VWA8: variants seen among roughly 807,000 people sequenced by gnomAD.
The protein encoded by VWA8 is von Willebrand factor A domain containing 8.
VWA8 carries 221 observed loss-of-function variants against 241.5 expected under a neutral mutation model. That is an observed-to-expected ratio of 0.91 (90% CI 0.82 to 1.02). The LOEUF is 1.02. Among genes scored for constraint, VWA8 ranks in the 50% least tolerant of loss-of-function variants. VWA8 has a pLI of 0.00. For synonymous variants in VWA8, 852 were observed against 827.1 expected (o/e 1.03, Z -0.52); for missense variants, 2,322 against 2,328.7 (o/e 1.00, Z 0.06).
At chr13:41,826,605 C>T (rs1431203584) in intron 14 of VWA8, among the ~76,000 whole-genome samples, 3 of 152,060 alleles carry the variant, frequency 2.0e-5, no homozygotes, top group African/African-American at 7.2e-5. Flanking sequence ...AGTGGTGGCT[C>T]ACACCTATAT....
rs1429314815 is a variant in VWA8 at position 41,787,560 on chromosome 13, G to C, written c.2064-17C>G. 6.4e-7 allele frequency: 1 copy of C among 1,557,692 alleles called. No homozygotes were observed. Among genetic ancestry groups the C allele is most frequent in the Admixed American group, 1.7e-5 (1 of 59,666 alleles). On this transcript the variant is annotated splice_polypyrimidine_tract_variant and intron_variant, in intron 17 of 44. Coordinates refer to ENST00000379310, the MANE Select transcript of VWA8 (RefSeq NM_015058.2). ...GGTAAAAACCTGGAGGATGAAGAGG[G>C]AGGAAGGGGGAAATGGCTTAAGTCA...
At chr13:41,626,162 A>G (rs1053285425) in intron 37 of VWA8, among the ~76,000 whole-genome samples, 1 of 151,714 alleles carries the variant, frequency 6.6e-6, no homozygotes, top group Non-Finnish European at 1.5e-5. Flanking sequence ...CAGCACACCA[A>G]CATGGCACAT....
Position 41,961,088 on chromosome 13 carries a change from G to A in VWA8, c.-73C>T, listed in dbSNP as rs528628644. 2 of 1,296,186 alleles carry A rather than the reference G, an allele frequency of 1.5e-6. No homozygotes were observed. The highest frequency in any genetic ancestry group is 3.8e-5 in the South Asian group (2 of 53,068). The allele number at this position is 1,296,186 out of a possible 1,614,324, so 80.3% of individuals were successfully genotyped here. ...CGGCGTCCCGTGCAGGCACCGTGAG[G>A]CAGCGCGGAGAAGGGGACAGGAAGC... On this transcript the variant is annotated 5_prime_UTR_variant, in exon 1 of 45. Transcript: ENST00000379310.
chr13:41,936,832 C>G (rs1339695095), intron 2 of VWA8, among the ~76,000 whole-genome samples: 6 of 152,104 alleles, frequency 3.9e-5, no homozygotes, highest in Admixed American at 2.0e-4. Flanking sequence ...ATAATATATA[C>G]ATATATCAAA....
chr13:41,924,976 G>T (rs1161341165), intron 2 of VWA8, among the ~76,000 whole-genome samples: 1 of 152,088 alleles, frequency 6.6e-6, no homozygotes, highest in Non-Finnish European at 1.5e-5. Flanking sequence ...ATTATAATTA[G>T]TCTGTCAGTC....
chr13:41,729,537 C>T lies in VWA8; in HGVS notation c.2638+5G>A. 1 of 1,606,700 alleles carries T rather than the reference C, an allele frequency of 6.2e-7. No homozygotes were observed. Among genetic ancestry groups the T allele is most frequent in the Non-Finnish European group, 8.5e-7 (1 of 1,177,230 alleles). On this transcript the variant is annotated splice_donor_5th_base_variant and intron_variant, in intron 23 of 44. Coordinates refer to ENST00000379310, the MANE Select transcript of VWA8 (RefSeq NM_015058.2). ...AAAGGAAACATTGCTTTCTAAAATA[C>T]TCACTTGCAACAATGCGTCTTCCAT...
At chr13:41,585,388 C>T (rs1030207421) in intron 42 of VWA8, among the ~76,000 whole-genome samples, 1 of 151,980 alleles carries the variant, frequency 6.6e-6, no homozygotes, top group Non-Finnish European at 1.5e-5. Context: ...GCTGTGTCAA[C>T]CAATTTGTTG....
intron 37 of VWA8, 131 bp from the exon 38 acceptor site, chr13:41,615,215 T>C: frequency 5.9e-6 from 5 of 854,616 alleles, no homozygotes; most frequent in Non-Finnish European, 8.7e-6. Context: ...ACTTGATAAA[T>C]GCTGTGAGTA....
At chr13:41,951,294 G>A (rs899987960) in intron 1 of VWA8, among the ~76,000 whole-genome samples, 9 of 152,132 alleles carry the variant, frequency 5.9e-5, no homozygotes, top group African/African-American at 2.2e-4. Context: ...GTACGTACCT[G>A]TAATCCCAGC....
At chr13:41,780,763 G>A (rs1868853462) in intron 19 of VWA8, among the ~76,000 whole-genome samples, 1 of 152,100 alleles carries the variant, frequency 6.6e-6, no homozygotes, top group Non-Finnish European at 1.5e-5. Context: ...TAGGAACAAA[G>A]GTCATTGCTT....
intron 12 of VWA8, among the ~76,000 whole-genome samples, chr13:41,849,308 GA>G (rs1463353752): frequency 6.6e-6 from 1 of 152,042 alleles, no homozygotes; most frequent in African/African-American, 2.4e-5. Flanking sequence ...ATTTCCAGGG[GA>G]AAAAATATGT....
At chr13:41,676,363 A>G (rs2045060265) in intron 35 of VWA8, among the ~76,000 whole-genome samples, 1 of 152,180 alleles carries the variant, frequency 6.6e-6, no homozygotes, top group South Asian at 2.1e-4. Flanking sequence ...TCATCCCACC[A>G]GCCAAGAGCC....
intron 29 of VWA8, among the ~76,000 whole-genome samples, chr13:41,697,027 C>T (rs932320276): frequency 3.1e-4 from 47 of 152,176 alleles, no homozygotes; most frequent in African/African-American, 9.9e-4. Flanking sequence ...TTATCATCTA[C>T]GTGGATATTT....
At chr13:41,865,026 T>C (rs932502051) in intron 12 of VWA8, among the ~76,000 whole-genome samples, 1 of 150,614 alleles carries the variant, frequency 6.6e-6, no homozygotes, top group African/African-American at 2.4e-5. Flanking sequence ...TGTGGTAAAC[T>C]TTATGTTATA....
intron 7 of VWA8, among the ~76,000 whole-genome samples, chr13:41,886,261 A>T (rs1051414222): frequency 6.6e-6 from 1 of 152,116 alleles, no homozygotes; most frequent in Non-Finnish European, 1.5e-5. Flanking sequence ...CCTGGTCCAA[A>T]TCTACCCTGC....
At chr13:41,640,405 G>C (rs2044787991) in intron 37 of VWA8, among the ~76,000 whole-genome samples, 1 of 152,178 alleles carries the variant, frequency 6.6e-6, no homozygotes. Flanking sequence ...CATAAACCAA[G>C]ATGCAATGAA....
chr13:41,699,345 T>C, intron 28 of VWA8, 75 bp from the exon 29 acceptor site: 4 of 1,337,638 alleles, frequency 3.0e-6, no homozygotes, highest in Non-Finnish European at 4.3e-6. Context: ...TAGTGAAAAC[T>C]GAATCATGAA....
chr13:41,578,967 A>G (rs2044366379), intron 42 of VWA8, among the ~76,000 whole-genome samples: 1 of 152,246 alleles, frequency 6.6e-6, no homozygotes, highest in Admixed American at 6.5e-5. Context: ...AGAAAAGTAT[A>G]ACAAACAAAA....
chr13:41,837,073 A>G lies in VWA8; in HGVS notation c.1426-3542T>C, dbSNP rs181760250. On this transcript the variant is annotated intron_variant, in intron 12 of 44. Transcript: ENST00000379310. ...GATAGATAGATAGATAGATAGATAG[A>G]TAGATAGAGATTTTTAAAAAATATT... Among the ~76,000 whole-genome samples the G allele has an allele frequency of 4.6e-5, 7 of 151,324 alleles. No individual in the cohort carries two copies. In the East Asian group the frequency reaches 1.4e-3, roughly 29 times the overall value.
Sources: gnomAD v4.1 joint callset for allele counts (sites outside exome capture counted in the v4.1 genomes callset) on GRCh38, gnomAD v4.1.1 for gene constraint, MANE v1.5 for transcripts, NCBI Gene and HGNC (gene_info 2026-07-23, HGNC 2026-07-21) for gene names.